Variants in PIEZO2 observed in about 807,000 individuals in gnomAD.
PIEZO2 encodes the protein piezo type mechanosensitive ion channel component 2.
PIEZO2 carries 172 observed loss-of-function variants against 337.3 expected under a neutral mutation model. The observed-to-expected ratio is 0.51, with a 90% confidence interval of 0.45 to 0.58. PIEZO2 has a LOEUF of 0.58. Ranked by LOEUF, PIEZO2 falls within the 20% of genes least tolerant of loss-of-function variation. The pLI, the probability that PIEZO2 is intolerant of heterozygous loss-of-function variation, is 0.00. For missense variants in PIEZO2, 3,028 were observed against 3,391.3 expected (o/e 0.89, Z 2.66); for synonymous variants, 1,251 against 1,228.5 (o/e 1.02, Z -0.38).
At chr18:10,974,821 A>G (rs888923150) in intron 3 of PIEZO2, among the ~76,000 whole-genome samples, 2 of 152,222 alleles carry the variant, frequency 1.3e-5, no homozygotes, top group African/African-American at 4.8e-5. Flanking sequence ...CCTCCGTGGC[A>G]AGGTTTGGCC....
chr18:10,795,060 G>C lies in PIEZO2; in HGVS notation c.1528-58C>G, dbSNP rs1024242860. On this transcript the variant is annotated intron_variant, in intron 12 of 55. Transcript: ENST00000674853. This position sits in a 1 kb window ranked among gnomAD's most constrained non-coding sequence, Gnocchi z 4.4. The stretch of plus-strand genomic sequence containing the variant: ...GTCAATACAATGCTCAGTCCCCCCC[G>C]CCCTGGTAAGGTAAAAACTATCTAA... The C allele has an allele frequency of 4.4e-6, 6 of 1,359,776 alleles. No homozygotes were observed. Among genetic ancestry groups the C allele is most frequent in the Non-Finnish European group, 6.1e-6 (6 of 988,584 alleles). 84.2% of individuals were successfully genotyped at this position (1,359,776 alleles called of 1,614,324 possible). A position where few individuals can be genotyped will look rare whatever the true frequency, so the allele number is the denominator to read the frequency against.
intron 36 of PIEZO2, among the ~76,000 whole-genome samples, chr18:10,722,423 G>A (rs2036354241): frequency 2.0e-5 from 3 of 151,686 alleles, no homozygotes. Context: ...GTAGAGACAG[G>A]GTTTCACCAT....
chr18:11,135,304 G>A (rs1354502311), intron 1 of PIEZO2, among the ~76,000 whole-genome samples: 1 of 152,176 alleles, frequency 6.6e-6, no homozygotes, highest in African/African-American at 2.4e-5. Flanking sequence ...TTTAAGGTAG[G>A]AGAAGCTGGG....
At position 11,149,475 on chromosome 18, in the gene PIEZO2, C is replaced by G. The variant is rs889585245; in HGVS notation, c.-887G>C. ...ACTCAAGAGAAAAACCAGCGCCGTC[C>G]CGTCGCCCAGCGCGACCACCGCCTG... On this transcript the variant is annotated 5_prime_UTR_variant, in exon 1 of 56. Transcript: ENST00000674853. The surrounding 1 kb of genome is among the most constrained non-coding windows in gnomAD (Gnocchi z 8.7). Among the ~76,000 whole-genome samples the G allele has an allele frequency of 1.3e-5, 2 of 151,932 alleles. No homozygotes were observed. Among genetic ancestry groups the G allele is most frequent in the African/African-American group, 2.4e-5 (1 of 41,384 alleles).
At chr18:10,671,846 T>C in intron 55 of PIEZO2, 67 bp from the exon 56 acceptor site, 1 of 1,359,058 alleles carries the variant, frequency 7.4e-7, no homozygotes, top group Non-Finnish European at 9.8e-7. Flanking sequence ...AAAGCATGTC[T>C]AAAAGAAAAA....
At chr18:10,971,117 C>A (rs2034218213) in intron 3 of PIEZO2, among the ~76,000 whole-genome samples, 1 of 152,112 alleles carries the variant, frequency 6.6e-6, no homozygotes, top group African/African-American at 2.4e-5. Flanking sequence ...GGAACATTGA[C>A]CAACAAGCTT....
intron 39 of PIEZO2, among the ~76,000 whole-genome samples, chr18:10,710,636 T>C (rs952664487): frequency 3.3e-5 from 5 of 152,212 alleles, no homozygotes; most frequent in Admixed American, 6.5e-5. Flanking sequence ...CTGTCTACTG[T>C]CTGCTTAAAG....
At chr18:11,082,752 C>T (rs992928190) in intron 1 of PIEZO2, among the ~76,000 whole-genome samples, 5 of 152,064 alleles carry the variant, frequency 3.3e-5, no homozygotes, top group African/African-American at 7.2e-5. Flanking sequence ...TCATCTGGAA[C>T]GTGTTAATTT....
chr18:11,039,896 GA>G (rs1429534901), intron 2 of PIEZO2, among the ~76,000 whole-genome samples: 2 of 152,078 alleles, frequency 1.3e-5, no homozygotes, highest in South Asian at 4.2e-4. Flanking sequence ...TTACGAAAAG[GA>G]AATACAACTG....
At chr18:10,818,870 T>G (rs1159333388) in intron 7 of PIEZO2, among the ~76,000 whole-genome samples, 1 of 152,232 alleles carries the variant, frequency 6.6e-6, no homozygotes, top group Admixed American at 6.5e-5. Flanking sequence ...AGTCTCATTT[T>G]CAGTTAGAAT....
chr18:10,925,249 T>C (rs2031657361), intron 3 of PIEZO2, among the ~76,000 whole-genome samples: 1 of 152,270 alleles, frequency 6.6e-6, no homozygotes, highest in Non-Finnish European at 1.5e-5. Flanking sequence ...TGCATATTTC[T>C]ACATGATTAG....
In PIEZO2 at chr18:10,685,991, T is replaced by A. The variant is rs577392505; in HGVS notation, c.7497+3664A>T. 1.2e-3 allele frequency among the ~76,000 whole-genome samples: 187 copies of A among 152,272 alleles called. 2 individuals carry two copies. In the South Asian group the frequency reaches 0.019, roughly 16 times the overall value. On this transcript the variant is annotated intron_variant, in intron 49 of 55. Transcript: ENST00000674853. Reference sequence around the variant, plus strand: ...TGACTCTACAATCTCCAGACCCCCATCAGAACTTCCTGATATTAGAATTTT... The same window carrying A: ...TGACTCTACAATCTCCAGACCCCCAACAGAACTTCCTGATATTAGAATTTT...
intron 2 of PIEZO2, among the ~76,000 whole-genome samples, chr18:11,061,493 A>T (rs1437389707): frequency 3.9e-5 from 6 of 152,032 alleles, no homozygotes; most frequent in Non-Finnish European, 7.3e-5. Context: ...ACATGATTGT[A>T]TATCTAGAAA....
At chr18:11,137,291 A>G (rs960148934) in intron 1 of PIEZO2, among the ~76,000 whole-genome samples, 4 of 152,200 alleles carry the variant, frequency 2.6e-5, no homozygotes, top group Non-Finnish European at 5.9e-5. Context: ...GCAAGTCCTA[A>G]GTGTATGTAC....
rs1020334403 is a variant in PIEZO2 at position 10,862,192 on chromosome 18, A to C, written c.493-4981T>G. Among the ~76,000 whole-genome samples the C allele has an allele frequency of 1.3e-5, 2 of 152,162 alleles. No homozygotes were observed. The highest frequency in any genetic ancestry group is 2.9e-5 in the Non-Finnish European group (2 of 68,022). ...ATCAAAATACCACATTATATACCCC[A>C]TAAATATATATAATAGTTATTAGTC... On this transcript the variant is annotated intron_variant, in intron 5 of 55. Coordinates refer to ENST00000674853, the MANE Select transcript of PIEZO2 (RefSeq NM_001378183.1). The surrounding 1 kb of genome is among the most constrained non-coding windows in gnomAD (Gnocchi z 4.4).
intron 2 of PIEZO2, among the ~76,000 whole-genome samples, chr18:11,037,358 A>T (rs925336391): frequency 2.6e-5 from 4 of 152,204 alleles, no homozygotes; most frequent in African/African-American, 9.7e-5. Flanking sequence ...AGAAACAGAA[A>T]TGAAAACGTT....
At chr18:11,074,702 G>T (rs761667159) in intron 1 of PIEZO2, among the ~76,000 whole-genome samples, 11 of 152,208 alleles carry the variant, frequency 7.2e-5, no homozygotes, top group African/African-American at 2.7e-4. Flanking sequence ...TTTACAATGT[G>T]TCAATATAGA....
At chr18:10,832,135 A>C (rs1039932498) in intron 7 of PIEZO2, among the ~76,000 whole-genome samples, 3 of 152,086 alleles carry the variant, frequency 2.0e-5, no homozygotes, top group African/African-American at 7.2e-5. Context: ...CTGCCTCTAC[A>C]AAAAATACAA....
chr18:11,135,956 G>A (rs1481644666), intron 1 of PIEZO2, among the ~76,000 whole-genome samples: 1 of 152,176 alleles, frequency 6.6e-6, no homozygotes, highest in Non-Finnish European at 1.5e-5. Flanking sequence ...GGTGTCATAA[G>A]GATAAGATAA....
Sources: allele counts gnomAD v4.1 joint callset (sites outside exome capture counted in the v4.1 genomes callset), GRCh38; gene constraint gnomAD v4.1.1; non-coding constraint Gnocchi (gnomAD v3.1); transcripts MANE v1.5; gene names NCBI Gene and HGNC (gene_info 2026-07-23, HGNC 2026-07-21).